Variants in SLC3A1 observed in about 807,000 individuals in gnomAD.
The protein encoded by SLC3A1 is solute carrier family 3 member 1, also known as amino acid transporter heavy chain SLC3A1.
Under a neutral mutation model 60.3 loss-of-function variants are expected in SLC3A1, and 78 were observed. That is an observed-to-expected ratio of 1.29 (90% CI 1.08 to 1.56). SLC3A1 has a LOEUF of 1.56. Ranked by LOEUF, SLC3A1 falls within the 40% of genes most tolerant of loss-of-function variation. The pLI, the probability that SLC3A1 is intolerant of heterozygous loss-of-function variation, is 0.00. For missense variants in SLC3A1, 1,172 were observed against 858.9 expected, an observed-to-expected ratio of 1.36 and a Z score of -4.56; for synonymous variants, 392 against 307.9, an observed-to-expected ratio of 1.27 and a Z score of -2.86.
chr2:44,289,438 T>G (rs1250531089), intron 4 of SLC3A1, among the ~76,000 whole-genome samples: 1 of 151,998 alleles, frequency 6.6e-6, no homozygotes, highest in Non-Finnish European at 1.5e-5. Flanking sequence ...CTCGAACTCG[T>G]GGTCTCAAGC....
chr2:44,319,004 A>T (rs1672687553), intron 9 of SLC3A1: 1 of 152,256 alleles, frequency 6.6e-6, no homozygotes, highest in Non-Finnish European at 1.5e-5. Context: ...GCTAACACTT[A>T]CCGGGCACTT....
At position 44,321,170 on chromosome 2, in the gene SLC3A1, C is replaced by T. The variant is rs890823011; in HGVS notation, c.*531C>T. ...ACTTTCCTAGGTTAATGGGCATGTG[C>T]ATCAATGGAGAGAATAGTATAAGCA... On this transcript the variant is annotated 3_prime_UTR_variant, in exon 10 of 10. Transcript: ENST00000260649. 3 of 581,740 alleles carry T rather than the reference C, an allele frequency of 5.2e-6. No individual in the cohort carries two copies. In the South Asian group the frequency reaches 6.9e-5, roughly 13 times the overall value. The allele number at this position is 581,740 out of a possible 1,614,324, so 36.0% of individuals were successfully genotyped here.
At position 44,303,809 on chromosome 2, in the gene SLC3A1, C is replaced by G; in HGVS notation, c.1137-334C>G. ...TGTGTTCTCGTTATTCAACTCCCACCTATGAGTGAGAACATGCGGTGTTTG... is the reference window on the plus strand; with the variant it reads ...TGTGTTCTCGTTATTCAACTCCCACGTATGAGTGAGAACATGCGGTGTTTG... On this transcript the variant is annotated intron_variant, in intron 6 of 9. Coordinates refer to ENST00000260649, the MANE Select transcript of SLC3A1 (RefSeq NM_000341.4). The G allele has an allele frequency of 1.7e-5, 8 of 467,110 alleles. No homozygotes were observed. The South Asian group carries it at 1.8e-4, about 10-fold the overall frequency. The allele number at this position is 467,110 out of a possible 1,614,324, so 28.9% of individuals were successfully genotyped here.
At chr2:44,293,900 C>T (rs1459205686) in intron 4 of SLC3A1, among the ~76,000 whole-genome samples, 1 of 152,118 alleles carries the variant, frequency 6.6e-6, no homozygotes, top group Non-Finnish European at 1.5e-5. Context: ...ATGGTACGTA[C>T]CTAATGGGGT....
chr2:44,320,958 G>A lies in SLC3A1; in HGVS notation c.*319G>A, dbSNP rs141072151. ...AGAATTTTATCTTTTCCCTTAAAAT[G>A]CAGTCATAGAAATTAGAGGATGACT... is the stretch of plus-strand genomic sequence containing the variant. On this transcript the variant is annotated 3_prime_UTR_variant, in exon 10 of 10. Coordinates refer to ENST00000260649, the MANE Select transcript of SLC3A1 (RefSeq NM_000341.4). The A allele has an allele frequency of 4.9e-6, 2 of 406,494 alleles. No individual in the cohort carries two copies. Among genetic ancestry groups the A allele is most frequent in the Non-Finnish European group, 9.0e-6 (2 of 222,224 alleles). The allele number at this position is 406,494 out of a possible 1,614,324, so 25.2% of individuals were successfully genotyped here. A position where few individuals can be genotyped will look rare whatever the true frequency, so the allele number is the denominator to read the frequency against.
In SLC3A1 at chr2:44,320,424, C is replaced by A. The variant is rs121912696; in HGVS notation, c.1843C>A (p.Pro615Thr). The change falls in exon 10 of 10, where the codon CCC (proline) becomes ACC (threonine). Residue 615 changes from proline to threonine, a missense_variant. By Grantham distance (38) the Pro-to-Thr change is conservative. Transcript: ENST00000260649. Reference protein sequence around the residue: ...LNLHNMISGLPAKMRIRLSTN... With the variant: ...LNLHNMISGLTAKMRIRLSTN... ...TCTACATAATATGATTTCGGGCCTTCCCGCTAAAATGAGAATAAGGTTAAG... is the reference window on the plus strand; with the variant it reads ...TCTACATAATATGATTTCGGGCCTTACCGCTAAAATGAGAATAAGGTTAAG... The A allele has an allele frequency of 9.3e-6, 15 of 1,613,934 alleles. No homozygotes were observed. In the Middle Eastern group the frequency reaches 4.9e-4, roughly 53 times the overall value.
intron 9 of SLC3A1, among the ~76,000 whole-genome samples, chr2:44,317,288 C>T (rs1376843628): frequency 6.6e-6 from 1 of 152,002 alleles, no homozygotes; most frequent in Non-Finnish European, 1.5e-5. Context: ...CATAGTAAGA[C>T]CCTATCTATC....
intron 7 of SLC3A1, among the ~76,000 whole-genome samples, chr2:44,309,307 C>A (rs1672236158): frequency 6.6e-6 from 1 of 152,096 alleles, no homozygotes; most frequent in African/African-American, 2.4e-5. Context: ...GGAATCATAA[C>A]AATATTTGTC....
Position 44,275,854 on chromosome 2 carries a change from A to G in SLC3A1, c.319A>G (p.Ile107Val). The stretch of plus-strand genomic sequence containing the variant: ...GGTGCTCATCGCGGCCACCATAGCC[A>G]TCATTGCCCTCTCTCCAAAGTGCCT... The part of the protein sequence containing the change: ...VLVLIAATIA[I>V]IALSPKCLDW... The change falls in exon 1 of 10, where the codon ATC becomes GTC. Residue 107 changes from isoleucine (I) to valine (V), a missense_variant. Ile to Val is a conservative substitution (Grantham distance 29, BLOSUM62 3). Transcript: ENST00000260649. 1.9e-6 allele frequency: 3 copies of G among 1,614,216 alleles called. No individual in the cohort carries two copies. In the South Asian group the frequency reaches 3.3e-5, roughly 18 times the overall value.
At position 44,312,474 on chromosome 2, in the gene SLC3A1, C is replaced by G. The variant is rs1672322260; in HGVS notation, c.1333-112C>G. The G allele has an allele frequency of 5.2e-6, 6 of 1,148,250 alleles. No homozygotes were observed. In the South Asian group the frequency reaches 6.3e-5, roughly 12 times the overall value. The allele number at this position is 1,148,250 out of a possible 1,614,324, so 71.1% of individuals were successfully genotyped here. A position where few individuals can be genotyped will look rare whatever the true frequency, so the allele number is the denominator to read the frequency against. On this transcript the variant is annotated intron_variant, in intron 7 of 9. Coordinates refer to ENST00000260649, the MANE Select transcript of SLC3A1 (RefSeq NM_000341.4). The stretch of plus-strand genomic sequence containing the variant: ...GACTCAAGTCCAGGCTTGCTAGTAC[C>G]AAGGTACCACATCTACTTTGTTTTG...
In SLC3A1 at chr2:44,303,325, C is replaced by T. The variant is rs984916208; in HGVS notation, c.1137-818C>T. Among the ~76,000 whole-genome samples the T allele has an allele frequency of 3.4e-5, 5 of 148,474 alleles. No homozygotes were observed. The South Asian group carries it at 1.1e-3, about 32-fold the overall frequency. On this transcript the variant is annotated intron_variant, in intron 6 of 9. Coordinates refer to ENST00000260649, the MANE Select transcript of SLC3A1 (RefSeq NM_000341.4). ...GTGGCATGATCTCATCTCACTGCAACCTTCACCTCCCAAATTCAAGTGATT... is the reference window on the plus strand; with the variant it reads ...GTGGCATGATCTCATCTCACTGCAATCTTCACCTCCCAAATTCAAGTGATT...
chr2:44,322,154 G>A (rs1673031314), downstream of SLC3A1, among the ~76,000 whole-genome samples: 1 of 152,152 alleles, frequency 6.6e-6, no homozygotes, highest in Admixed American at 6.5e-5. Flanking sequence ...TGAAACCCAG[G>A]AGATCATCAA....
chr2:44,276,591 T>A (rs933398216), intron 1 of SLC3A1, among the ~76,000 whole-genome samples: 1 of 151,724 alleles, frequency 6.6e-6, no homozygotes, highest in African/African-American at 2.4e-5. Flanking sequence ...CCAGGGGTAG[T>A]GGCGCATGAC....
At chr2:44,312,820 C>A in intron 8 of SLC3A1, 67 bp downstream of exon 8, 2 of 1,377,092 alleles carry the variant, frequency 1.5e-6, no homozygotes, top group Non-Finnish European at 2.0e-6. Flanking sequence ...TTATTTTTTG[C>A]CAAATCAGAG....
intron 9 of SLC3A1, chr2:44,314,646 C>T (rs1268388297): frequency 6.5e-6 from 1 of 153,190 alleles, no homozygotes; most frequent in South Asian, 2.0e-4. Context: ...TCTGAGGAAA[C>T]TCCCCAGGAT....
chr2:44,302,712 G>C (rs1672045500), intron 6 of SLC3A1, among the ~76,000 whole-genome samples: 1 of 152,172 alleles, frequency 6.6e-6, no homozygotes, highest in Non-Finnish European at 1.5e-5. Context: ...AGATGTTATA[G>C]GGACTCCAAT....
downstream of SLC3A1, chr2:44,321,641 T>C (rs1672958476): frequency 6.7e-7 from 1 of 1,499,420 alleles, no homozygotes; most frequent in Non-Finnish European, 8.9e-7. Context: ...AGCTCACGTA[T>C]CAAGTACAAG....
chr2:44,298,350 G>A (rs1671909472), intron 4 of SLC3A1, among the ~76,000 whole-genome samples: 1 of 151,716 alleles, frequency 6.6e-6, no homozygotes, highest in African/African-American at 2.4e-5. Context: ...TGCTCCTCTG[G>A]CCACACTGGC....
intron 4 of SLC3A1, 108 bp from the exon 5 acceptor site, chr2:44,299,863 G>A (rs1671958041): frequency 1.8e-6 from 2 of 1,088,440 alleles, no homozygotes; most frequent in South Asian, 2.5e-5. Flanking sequence ...TGTTCTGTAT[G>A]TAGATATCTG....
Sources: gnomAD v4.1 joint callset for allele counts (sites outside exome capture counted in the v4.1 genomes callset) on GRCh38, gnomAD v4.1.1 for gene constraint, MANE v1.5 for transcripts, NCBI Gene and HGNC (gene_info 2026-07-23, HGNC 2026-07-21) for gene names.